The following RXFP1 variants were observed in gnomAD, a reference collection of about 807,000 sequenced individuals.
The protein encoded by RXFP1 is relaxin family peptide receptor 1.
In RXFP1, 73 loss-of-function variants were observed where a neutral mutation model predicts 89.8. The observed-to-expected ratio is 0.81, with a 90% CI of 0.67 to 0.99. RXFP1 has a LOEUF of 0.99. Among genes scored for constraint, RXFP1 ranks in the 50% least tolerant of loss-of-function variants. The pLI is 0.00. For synonymous variants in RXFP1, 277 were observed against 305.5 expected (o/e 0.91, Z 0.97); for missense variants, 793 against 895.5 (o/e 0.89, Z 1.46).
rs572597324 is a variant in RXFP1, at chr4:158,593,285, A to C, written c.188-116A>C. The C allele has an allele frequency of 1.5e-4, 73 of 484,912 alleles. 1 individual carries two copies. In the East Asian group the frequency reaches 2.3e-3, roughly 15 times the overall value. The allele number at this position is 484,912 out of a possible 1,614,324, so 30.0% of individuals were successfully genotyped here. ...TATAGCAAGTTTCCAGATAATGTTTATCTCGCTACATTTGGAGAAACCACT... is the reference window on the plus strand; with the variant it reads ...TATAGCAAGTTTCCAGATAATGTTTCTCTCGCTACATTTGGAGAAACCACT... On this transcript the variant is annotated intron_variant, in intron 2 of 17. Transcript: ENST00000307765.
intron 1 of RXFP1, among the ~76,000 whole-genome samples, chr4:158,552,395 A>G (rs541287047): frequency 6.6e-6 from 1 of 152,346 alleles, no homozygotes; most frequent in South Asian, 2.1e-4. Flanking sequence ...AAATATGTGC[A>G]TTTATTCAAT....
intron 15 of RXFP1, chr4:158,646,432 T>A: frequency 8.4e-7 from 1 of 1,194,932 alleles, no homozygotes; most frequent in South Asian, 1.4e-5. Flanking sequence ...AATGCCATCC[T>A]CATCTGAGTC....
chr4:158,648,528 GT>G lies in RXFP1; in HGVS notation c.1792del (p.Ser598ProfsTer14). The G allele has an allele frequency of 1.2e-6, 2 of 1,608,172 alleles. No homozygotes were observed. The highest frequency in any genetic ancestry group is 2.2e-5 in the East Asian group (1 of 44,700). ...TAATTTGGCCGCATTTATCATCATA[GT>G]TTTTTCCTATGGAAGCATGTTTTAT... ...GINLAAFIII[V>X]FSYGSMFYSV... is the part of the protein sequence containing the mutation. On this transcript the variant is annotated frameshift_variant, in exon 17 of 18. Coordinates refer to ENST00000307765, the MANE Select transcript of RXFP1 (RefSeq NM_021634.4). LOFTEE classifies it high-confidence loss of function.
intron 14 of RXFP1, among the ~76,000 whole-genome samples, chr4:158,643,812 A>G (rs918384366): frequency 2.6e-5 from 4 of 151,512 alleles, no homozygotes; most frequent in Admixed American, 2.6e-4. Flanking sequence ...GAACCCCCAT[A>G]TTGTTCTCCG....
At chr4:158,542,118 TTA>T in intron 1 of RXFP1, among the ~76,000 whole-genome samples, 1 of 132,110 alleles carries the variant, frequency 7.6e-6, no homozygotes, top group African/African-American at 2.8e-5. Context: ...TATTTTTTTT[TTA>T]GTAGAGACAG....
intron 5 of RXFP1, 33 bp from the exon 6 acceptor site, chr4:158,607,939 A>ATTTTTTTTTTTTT: frequency 7.1e-7 from 1 of 1,406,540 alleles, no homozygotes; most frequent in African/African-American, 1.5e-5. Context: ...ACTCTGCTTC[A>ATTTTTTTTTTTTT]TTTTTTTTTC....
chr4:158,621,601 GAC>G (rs1036245296), intron 9 of RXFP1, among the ~76,000 whole-genome samples: 10 of 151,810 alleles, frequency 6.6e-5, no homozygotes, highest in Non-Finnish European at 4.4e-5. Context: ...ATAAATATTA[GAC>G]ACAAAAAAAA....
At chr4:158,567,699 C>T (rs916519616) in intron 1 of RXFP1, among the ~76,000 whole-genome samples, 3 of 152,096 alleles carry the variant, frequency 2.0e-5, no homozygotes, top group East Asian at 3.9e-4. Flanking sequence ...CTAGTGGGGA[C>T]GTGGAGAACT....
At chr4:158,610,338 C>A (rs997356299) in intron 6 of RXFP1, among the ~76,000 whole-genome samples, 3 of 152,096 alleles carry the variant, frequency 2.0e-5, no homozygotes, top group African/African-American at 7.2e-5. Flanking sequence ...CATAAGTATT[C>A]ATTAACCCTC....
At chr4:158,603,889 C>CAATAAT (rs10617905) in intron 4 of RXFP1, among the ~76,000 whole-genome samples, 8,807 of 141,008 alleles carry the variant, frequency 0.062, 299 homozygotes, top group African/African-American at 0.078. Context: ...GACTCCATCT[C>CAATAAT]AATAATAATA....
rs1271979519 is a variant in RXFP1, at chr4:158,617,145, A to G, written c.695A>G (p.Asn232Ser). 2 of 1,607,638 alleles carry G rather than the reference A, an allele frequency of 1.2e-6. No homozygotes were observed. Among genetic ancestry groups the G allele is most frequent in the South Asian group, 2.2e-5 (2 of 90,058 alleles). Reference sequence around the variant, plus strand: ...TCCTTTTTCAGAGTCCTGATGAATAACGTCCTCACCCGTTTACCTGATAAA... The same window carrying G: ...TCCTTTTTCAGAGTCCTGATGAATAGCGTCCTCACCCGTTTACCTGATAAA... ...NSLILLVLMN[N>S]VLTRLPDKPL... Residue 232 changes from asparagine (N) to serine (S), a missense_variant, in exon 9 of 18, where the codon AAC becomes AGC. Transcript: ENST00000307765.
At chr4:158,632,859 T>C (rs139591233) in intron 11 of RXFP1, among the ~76,000 whole-genome samples, 523 of 152,064 alleles carry the variant, frequency 3.4e-3, no homozygotes, top group Admixed American at 5.6e-3. Context: ...ATCAAAAGAA[T>C]GAGAAAATGC....
intron 2 of RXFP1, among the ~76,000 whole-genome samples, chr4:158,592,243 G>T (rs1423441707): frequency 2.0e-5 from 3 of 152,134 alleles, no homozygotes; most frequent in African/African-American, 7.2e-5. Context: ...AAAGAGAAAA[G>T]AAATTAGATC....
At chr4:158,533,431 G>A (rs555815692) in intron 1 of RXFP1, among the ~76,000 whole-genome samples, 1 of 152,272 alleles carries the variant, frequency 6.6e-6, no homozygotes, top group African/African-American at 2.4e-5. Flanking sequence ...ACAGTAATTA[G>A]AAATAATCAT....
intron 4 of RXFP1, among the ~76,000 whole-genome samples, chr4:158,604,263 A>G (rs891889782): frequency 2.6e-5 from 4 of 152,202 alleles, no homozygotes; most frequent in African/African-American, 9.6e-5. Flanking sequence ...GTGGTACTAT[A>G]TAATGATAGT....
chr4:158,631,117 T>TA (rs1477185965), intron 11 of RXFP1, among the ~76,000 whole-genome samples: 1 of 152,192 alleles, frequency 6.6e-6, no homozygotes, highest in Admixed American at 6.5e-5. Context: ...GGGCCAACAC[T>TA]ATCCCATTAC....
In RXFP1 at chr4:158,651,743, TTTTTC is replaced by T. The variant is rs1001488935; in HGVS notation, c.1976-9_1976-5del. 1 of 1,578,638 alleles carries T rather than the reference TTTTTC, an allele frequency of 6.3e-7. No homozygotes were observed. Among genetic ancestry groups the T allele is most frequent in the African/African-American group, 1.4e-5 (1 of 73,398 alleles). On this transcript the variant is annotated splice_polypyrimidine_tract_variant and intron_variant, in intron 17 of 17. Transcript: ENST00000307765. ...ATCTATAAACACTAAAACTATTTCA[TTTTTC>T]TTTTTTAGGTACCATAACCTCTTGG... is the stretch of plus-strand genomic sequence containing the variant.
chr4:158,644,865 G>T, intron 14 of RXFP1, 44 bp from the exon 15 acceptor site: 1 of 1,323,734 alleles, frequency 7.6e-7, no homozygotes, highest in Non-Finnish European at 1.1e-6. Context: ...TGGTGACACT[G>T]AATTAAATGG....
chr4:158,538,705 G>A (rs1745862771), intron 1 of RXFP1, among the ~76,000 whole-genome samples: 1 of 151,856 alleles, frequency 6.6e-6, no homozygotes, highest in Non-Finnish European at 1.5e-5. Flanking sequence ...CCCAGCTACT[G>A]GGGAGGCTGA....
Sources: gnomAD v4.1 joint callset for allele counts (sites outside exome capture counted in the v4.1 genomes callset) on GRCh38, gnomAD v4.1.1 for gene constraint, MANE v1.5 for transcripts, NCBI Gene and HGNC (gene_info 2026-07-23, HGNC 2026-07-21) for gene names.